The following PPP6R3 variants were observed in gnomAD, a reference collection of about 807,000 sequenced individuals.
The protein encoded by PPP6R3 is serine/threonine-protein phosphatase 6 regulatory subunit 3.
A neutral mutation model predicts 110.7 loss-of-function variants in PPP6R3; 38 were observed. The ratio of observed to expected loss-of-function variants is 0.34; its 90% CI spans 0.26 to 0.45. The LOEUF (loss-of-function observed/expected upper bound fraction) is 0.45, where lower values mean the gene tolerates loss of function less well. Among genes scored for constraint, PPP6R3 ranks in the 20% least tolerant of loss-of-function variants. The pLI is 1.00. For synonymous variants in PPP6R3, 369 were observed against 373.5 expected, an observed-to-expected ratio of 0.99 and a Z score of 0.14; for missense variants, 870 against 1,062.4, an observed-to-expected ratio of 0.82 and a Z score of 2.52.
intron 1 of PPP6R3, among the ~76,000 whole-genome samples, chr11:68,481,132 G>A (rs1431359864): frequency 6.6e-6 from 1 of 152,128 alleles, no homozygotes; most frequent in African/African-American, 2.4e-5. Context: ...CCCAAGAGAG[G>A]GGAGGGACTA....
intron 2 of PPP6R3, among the ~76,000 whole-genome samples, chr11:68,521,582 TAGG>T (rs1232779388): frequency 2.6e-5 from 4 of 152,118 alleles, no homozygotes; most frequent in Non-Finnish European, 5.9e-5. Flanking sequence ...GCCAGGTGGT[TAGG>T]AGGGTTCCTG....
At chr11:68,498,073 A>C (rs1052255853) in intron 1 of PPP6R3, among the ~76,000 whole-genome samples, 1 of 152,200 alleles carries the variant, frequency 6.6e-6, no homozygotes, top group African/African-American at 2.4e-5. Flanking sequence ...AGCTCTTTGG[A>C]CATTATTATA....
At chr11:68,546,962 T>C (rs1242631857) in intron 4 of PPP6R3, among the ~76,000 whole-genome samples, 1 of 152,240 alleles carries the variant, frequency 6.6e-6, no homozygotes, top group Non-Finnish European at 1.5e-5. Flanking sequence ...GAATTATTTA[T>C]GTGTCATATC....
At chr11:68,572,130 C>T (rs1011080894) in intron 12 of PPP6R3, among the ~76,000 whole-genome samples, 3 of 152,074 alleles carry the variant, frequency 2.0e-5, no homozygotes, top group African/African-American at 7.2e-5. Flanking sequence ...TGGTAGACCT[C>T]AGATACATTC....
intron 1 of PPP6R3, among the ~76,000 whole-genome samples, chr11:68,494,321 C>T (rs1303376308): frequency 6.9e-6 from 1 of 145,820 alleles, no homozygotes; most frequent in Non-Finnish European, 1.5e-5. Flanking sequence ...GTCAGGAGAT[C>T]GAGACCATCC....
At chr11:68,536,479 G>A (rs895318816) in intron 2 of PPP6R3, among the ~76,000 whole-genome samples, 138 of 152,038 alleles carry the variant, frequency 9.1e-4, no homozygotes, top group African/African-American at 3.1e-3. Context: ...TGTGTAGGCC[G>A]TTCTTGAACT....
At chr11:68,539,858 G>T (rs2099301466) in intron 3 of PPP6R3, among the ~76,000 whole-genome samples, 1 of 152,196 alleles carries the variant, frequency 6.6e-6, no homozygotes, top group Non-Finnish European at 1.5e-5. Flanking sequence ...CTCAGGAAAG[G>T]CCTAATTAAG....
At chr11:68,508,885 A>C (rs557508963) in intron 1 of PPP6R3, among the ~76,000 whole-genome samples, 8 of 152,242 alleles carry the variant, frequency 5.3e-5, no homozygotes, top group African/African-American at 1.7e-4. Flanking sequence ...AATGCAGTGT[A>C]TTGAAGGAAT....
intron 12 of PPP6R3, chr11:68,571,325 G>A (rs554352796): frequency 2.0e-5 from 11 of 549,452 alleles, no homozygotes; most frequent in African/African-American, 3.9e-5. Context: ...AAGTGAGTTC[G>A]GAGTGTTCCC....
At chr11:68,560,520 A>G (rs2099414976) in intron 8 of PPP6R3, among the ~76,000 whole-genome samples, 1 of 152,256 alleles carries the variant, frequency 6.6e-6, no homozygotes, top group South Asian at 2.1e-4. Context: ...AGAAATAGGT[A>G]GCATGAGCAG....
intron 9 of PPP6R3, among the ~76,000 whole-genome samples, chr11:68,565,725 G>T (rs990787265): frequency 6.6e-6 from 1 of 151,976 alleles, no homozygotes; most frequent in Non-Finnish European, 1.5e-5. Context: ...GGACTTCTCT[G>T]TTACTCCGAG....
chr11:68,514,069 C>T (rs982126292), intron 1 of PPP6R3, among the ~76,000 whole-genome samples: 4 of 152,040 alleles, frequency 2.6e-5, no homozygotes, highest in African/African-American at 9.7e-5. Context: ...AATGTATGTA[C>T]GAATGAATGA....
intron 1 of PPP6R3, among the ~76,000 whole-genome samples, chr11:68,479,669 G>T (rs2098887550): frequency 6.6e-6 from 1 of 151,442 alleles, no homozygotes; most frequent in African/African-American, 2.4e-5. Context: ...TTTTCTCCTT[G>T]TTCTTCAATT....
At position 68,526,706 on chromosome 11, in the gene PPP6R3, C is replaced by G. The variant is rs1565611382; in HGVS notation, c.-7+7055C>G. ...AAAACTCGACTACCATTGTGCCATC[C>G]TTATTACTTGCCTTTCCCCACACAA... On this transcript the variant is annotated intron_variant, in intron 2 of 23. Transcript: ENST00000393800. 2.6e-5 allele frequency among the ~76,000 whole-genome samples: 4 copies of G among 152,242 alleles called. No homozygotes were observed. In the South Asian group the frequency reaches 8.3e-4, roughly 32 times the overall value.
At chr11:68,551,926 TC>T (rs1322820302) in intron 6 of PPP6R3, among the ~76,000 whole-genome samples, 11 of 152,344 alleles carry the variant, frequency 7.2e-5, no homozygotes, top group African/African-American at 2.6e-4. Flanking sequence ...TTGTTATACT[TC>T]CTAGCCGTGG....
Position 68,554,230 on chromosome 11 carries a change from C to T in PPP6R3, c.704C>T (p.Pro235Leu), listed in dbSNP as rs2099391088. Residue 235 changes from proline to leucine, a missense_variant, in exon 7 of 24, where the codon CCC becomes CTC. Coordinates refer to ENST00000393800, the MANE Select transcript of PPP6R3 (RefSeq NM_001164161.2). ...QMLQIQNSTE[P>L]DPLLATLEKQ... Reference sequence around the variant, plus strand: ...TTACAAATTCAGAACAGTACAGAGCCCGACCCCCTGCTTGCCACTCTAGAA... The same window carrying T: ...TTACAAATTCAGAACAGTACAGAGCTCGACCCCCTGCTTGCCACTCTAGAA... 1 of 1,613,006 alleles carries T rather than the reference C, an allele frequency of 6.2e-7. No individual in the cohort carries two copies. Among genetic ancestry groups the T allele is most frequent in the Non-Finnish European group, 8.5e-7 (1 of 1,179,442 alleles).
chr11:68,568,843 C>T (rs1321678865), intron 10 of PPP6R3, among the ~76,000 whole-genome samples: 1 of 151,716 alleles, frequency 6.6e-6, no homozygotes, highest in African/African-American at 2.4e-5. Context: ...TGGCTCACTG[C>T]AAGCTCCGCC....
intron 1 of PPP6R3, among the ~76,000 whole-genome samples, chr11:68,496,627 C>T (rs541039192): frequency 6.6e-6 from 1 of 152,034 alleles, no homozygotes; most frequent in South Asian, 2.1e-4. Context: ...TGTGTGCCAC[C>T]GCATCTGGCT....
chr11:68,478,490 CTT>C (rs1022397897), intron 1 of PPP6R3, among the ~76,000 whole-genome samples: 2 of 152,058 alleles, frequency 1.3e-5, no homozygotes, highest in East Asian at 3.9e-4. Context: ...TGACAAGTGA[CTT>C]TTGGTTACTA....
Sources: allele counts gnomAD v4.1 joint callset (sites outside exome capture counted in the v4.1 genomes callset), GRCh38; gene constraint gnomAD v4.1.1; transcripts MANE v1.5; gene names NCBI Gene and HGNC (gene_info 2026-07-23, HGNC 2026-07-21).